UNC13C: variants seen among roughly 807,000 people sequenced by gnomAD.
UNC13C encodes the protein unc-13 homolog C.
Under a neutral mutation model 245.4 loss-of-function variants are expected in UNC13C, and 174 were observed. That is an observed-to-expected ratio of 0.71 (90% CI 0.63 to 0.80). UNC13C has a LOEUF of 0.80. Among genes scored for constraint, UNC13C ranks in the 30% least tolerant of loss-of-function variants. The pLI is 0.00. For synonymous variants in UNC13C, 992 were observed against 895.1 expected (o/e 1.11, Z -1.93); for missense variants, 2,829 against 2,602.9 (o/e 1.09, Z -1.89).
At chr15:54,062,209 C>T (rs1035567438) in intron 2 of UNC13C, among the ~76,000 whole-genome samples, 11 of 151,780 alleles carry the variant, frequency 7.2e-5, no homozygotes, top group Non-Finnish European at 1.3e-4. Flanking sequence ...ATCCCAGCTA[C>T]TCGGGAGGCT....
chr15:54,056,155 C>T (rs1897509378), intron 2 of UNC13C, among the ~76,000 whole-genome samples: 1 of 152,054 alleles, frequency 6.6e-6, no homozygotes, highest in African/African-American at 2.4e-5. Context: ...GAAGCTCAAA[C>T]TACTCCGAGC....
intron 2 of UNC13C, among the ~76,000 whole-genome samples, chr15:54,053,174 C>G (rs557868125): frequency 4.5e-4 from 65 of 143,358 alleles, no homozygotes; most frequent in Non-Finnish European, 7.9e-4. Flanking sequence ...GCCACCACAC[C>G]TGGCCAATTT....
At chr15:54,030,017 C>T (rs1173516249) in intron 2 of UNC13C, among the ~76,000 whole-genome samples, 1 of 152,196 alleles carries the variant, frequency 6.6e-6, no homozygotes, top group African/African-American at 2.4e-5. Context: ...CAGGGCAGCA[C>T]ACTGAACCCA....
At chr15:54,304,869 T>C (rs1189482031) in intron 13 of UNC13C, among the ~76,000 whole-genome samples, 1 of 152,020 alleles carries the variant, frequency 6.6e-6, no homozygotes, top group East Asian at 1.9e-4. Flanking sequence ...CCAATAAAGA[T>C]TTTATGAATA....
chr15:54,098,727 G>A (rs955726513), intron 2 of UNC13C, among the ~76,000 whole-genome samples: 12 of 152,006 alleles, frequency 7.9e-5, no homozygotes, highest in Admixed American at 2.6e-4. Flanking sequence ...TTTTACCATA[G>A]GTACACTTTA....
At chr15:53,967,329 TTGTTGTTTTG>T in the UNC13C span, among the ~76,000 whole-genome samples, 1 of 75,742 alleles carries the variant, frequency 1.3e-5, no homozygotes, top group Non-Finnish European at 4.6e-5. Flanking sequence ...AATTTTTTTT[TTGTTGTTTTG>T]TTTTGTTTTG....
chr15:54,014,501 C>A lies in UNC13C; in HGVS notation c.1598C>A (p.Pro533His). The A allele has an allele frequency of 6.2e-7, 1 of 1,613,786 alleles. No homozygotes were observed. The highest frequency in any genetic ancestry group is 8.5e-7 in the Non-Finnish European group (1 of 1,179,820). ...ACAACCCATTATGCAGATGCAACACCTCTCTGGCACTCACAGAGTGATTTT... is the reference window on the plus strand; with the variant it reads ...ACAACCCATTATGCAGATGCAACACATCTCTGGCACTCACAGAGTGATTTT... The part of the protein sequence containing the change: ...QTTTHYADAT[P>H]LWHSQSDFFT... The change falls in exon 2 of 33, where the codon CCT becomes CAT. Residue 533 changes from proline to histidine, a missense_variant. By Grantham distance (77) the Pro-to-His change is moderately conservative. Coordinates refer to ENST00000260323, the MANE Select transcript of UNC13C (RefSeq NM_001080534.3).
chr15:54,020,117 G>A (rs573561042), intron 2 of UNC13C, among the ~76,000 whole-genome samples: 18 of 152,176 alleles, frequency 1.2e-4, no homozygotes, highest in Non-Finnish European at 1.8e-4. Flanking sequence ...CTCCCTTGAC[G>A]GTTCTGAGGG....
chr15:53,910,350 G>C, the UNC13C span, among the ~76,000 whole-genome samples: 181 of 145,938 alleles, frequency 1.2e-3, 22 homozygotes, highest in Admixed American at 4.4e-3. Flanking sequence ...AGATACCCAG[G>C]CCTGCATGAC....
intron 4 of UNC13C, among the ~76,000 whole-genome samples, chr15:54,165,854 C>T (rs1305652773): frequency 6.6e-6 from 1 of 151,902 alleles, no homozygotes; most frequent in Non-Finnish European, 1.5e-5. Context: ...CCCTCCCTCC[C>T]TCTCTTTTTC....
chr15:54,429,928 T>C (rs1226296997), intron 19 of UNC13C, among the ~76,000 whole-genome samples: 1 of 151,710 alleles, frequency 6.6e-6, no homozygotes, highest in African/African-American at 2.4e-5. Flanking sequence ...ATTTTATCTT[T>C]TATACTTAAA....
chr15:54,199,654 C>T (rs2034460738), intron 4 of UNC13C, among the ~76,000 whole-genome samples: 1 of 152,082 alleles, frequency 6.6e-6, no homozygotes, highest in Non-Finnish European at 1.5e-5. Context: ...CAGAATTTGC[C>T]ACTACCAAGA....
chr15:54,598,869 C>G (rs1899243879), intron 30 of UNC13C, among the ~76,000 whole-genome samples: 5 of 152,144 alleles, frequency 3.3e-5, no homozygotes, highest in Middle Eastern at 3.4e-3. Flanking sequence ...ACGTATTTGA[C>G]AAGAGTTTGT....
At chr15:54,517,386 A>T (rs1410573705) in intron 24 of UNC13C, among the ~76,000 whole-genome samples, 1 of 152,192 alleles carries the variant, frequency 6.6e-6, no homozygotes, top group East Asian at 1.9e-4. Flanking sequence ...GCCTACTTAC[A>T]TGTAGTTTAT....
intron 1 of UNC13C, among the ~76,000 whole-genome samples, chr15:54,005,521 A>G (rs1461369206): frequency 6.6e-6 from 1 of 152,210 alleles, no homozygotes; most frequent in Admixed American, 6.5e-5. Flanking sequence ...TGTAATCTAT[A>G]AAAAGCACTC....
intron 20 of UNC13C, among the ~76,000 whole-genome samples, chr15:54,498,934 A>T (rs1339847659): frequency 1.3e-5 from 2 of 152,170 alleles, no homozygotes; most frequent in African/African-American, 4.8e-5. Flanking sequence ...ATACAAAGGC[A>T]ATCTACAAAC....
At chr15:54,369,403 A>G (rs897535393) in intron 17 of UNC13C, among the ~76,000 whole-genome samples, 3 of 152,178 alleles carry the variant, frequency 2.0e-5, no homozygotes, top group African/African-American at 7.2e-5. Flanking sequence ...TTACAATTAA[A>G]TTGGTAATTG....
intron 30 of UNC13C, among the ~76,000 whole-genome samples, chr15:54,603,582 C>T (rs1300386537): frequency 2.0e-5 from 3 of 152,132 alleles, no homozygotes; most frequent in Non-Finnish European, 4.4e-5. Flanking sequence ...GAAGAACTGG[C>T]CAGGCACAGT....
chr15:54,165,214 A>G (rs2033122497), intron 4 of UNC13C, among the ~76,000 whole-genome samples: 1 of 152,142 alleles, frequency 6.6e-6, no homozygotes, highest in South Asian at 2.1e-4. Context: ...GTGTGTGTAT[A>G]TATGTGATTT....
Sources: allele counts gnomAD v4.1 joint callset (sites outside exome capture counted in the v4.1 genomes callset), GRCh38; gene constraint gnomAD v4.1.1; transcripts MANE v1.5; gene names NCBI Gene and HGNC (gene_info 2026-07-23, HGNC 2026-07-21).